GPHN: variants seen among roughly 807,000 people sequenced by gnomAD.
The protein encoded by GPHN is gephyrin.
GPHN carries 17 observed loss-of-function variants against 95.5 expected under a neutral mutation model. The observed-to-expected ratio is 0.18, with a 90% CI of 0.12 to 0.27. The LOEUF is 0.27. GPHN is among the 10% of genes least tolerant of loss of function. The probability of loss-of-function intolerance (pLI) is 1.00; values close to 1 mark genes in which losing one functional copy is unlikely to be tolerated. For synonymous variants in GPHN, 320 were observed against 322.5 expected, an observed-to-expected ratio of 0.99 and a Z score of 0.08; for missense variants, 660 against 978.1, an observed-to-expected ratio of 0.67 and a Z score of 4.34.
the GPHN span, among the ~76,000 whole-genome samples, chr14:67,294,018 A>G: frequency 1.3e-5 from 2 of 152,230 alleles, no homozygotes; most frequent in Non-Finnish European, 2.9e-5. Flanking sequence ...TGAGAAAAGC[A>G]AAGAACTAAA....
At chr14:67,483,765 GC>G in the GPHN span, among the ~76,000 whole-genome samples, 1 of 152,234 alleles carries the variant, frequency 6.6e-6, no homozygotes. Context: ...GTCTCAGATG[GC>G]CCGGCCCAGC....
chr14:67,191,971 CAA>C, the GPHN span, among the ~76,000 whole-genome samples: 2 of 152,166 alleles, frequency 1.3e-5, no homozygotes, highest in Non-Finnish European at 2.9e-5. Flanking sequence ...ACTTGAAAAA[CAA>C]GAGAAAGGAT....
Position 66,868,513 on chromosome 14 carries a change from G to A in GPHN, c.295-11426G>A, listed in dbSNP as rs557055010. ...GGTTCAAGCGATTCTCCTACCTCAG[G>A]CTCTTGAGTAGCTGGAACTACAGGG... is the stretch of plus-strand genomic sequence containing the variant. On this transcript the variant is annotated intron_variant, in intron 4 of 22. Coordinates refer to ENST00000478722, the MANE Select transcript of GPHN (RefSeq NM_020806.5). 7.9e-5 allele frequency among the ~76,000 whole-genome samples: 12 copies of A among 151,902 alleles called. No homozygotes were observed. In the East Asian group the frequency reaches 1.9e-3, roughly 25 times the overall value.
At chr14:67,015,386 T>A (rs1169714972) in intron 9 of GPHN, among the ~76,000 whole-genome samples, 4 of 152,140 alleles carry the variant, frequency 2.6e-5, no homozygotes, top group Admixed American at 6.6e-5. Flanking sequence ...GGCATTCTCT[T>A]ATGTTGTACA....
chr14:67,377,616 A>G, the GPHN span, among the ~76,000 whole-genome samples: 1 of 152,132 alleles, frequency 6.6e-6, no homozygotes, highest in African/African-American at 2.4e-5. Flanking sequence ...TTGCTCTCAA[A>G]CTAGTCTTGC....
chr14:66,902,262 G>A (rs2065157603), intron 5 of GPHN, among the ~76,000 whole-genome samples: 1 of 151,998 alleles, frequency 6.6e-6, no homozygotes, highest in African/African-American at 2.4e-5. Context: ...AATTCCAACA[G>A]TGTTTTAGTG....
chr14:67,195,754 T>C, the GPHN span, among the ~76,000 whole-genome samples: 8 of 151,414 alleles, frequency 5.3e-5, no homozygotes, highest in African/African-American at 1.2e-4. Flanking sequence ...TGTGTGTGTG[T>C]GTGTTTTGAG....
chr14:67,385,226 A>G, the GPHN span: 20 of 152,216 alleles, frequency 1.3e-4, 1 homozygote, highest in South Asian at 2.1e-4. Context: ...CAAGATACAT[A>G]TGAGGACAAG....
the GPHN span, chr14:67,340,497 C>T: frequency 2.0e-5 from 33 of 1,611,202 alleles, no homozygotes; most frequent in East Asian, 6.7e-5. Flanking sequence ...AGCAAGAGTA[C>T]GTTCAATCCG....
chr14:66,816,103 G>C (rs1281705196), intron 3 of GPHN, among the ~76,000 whole-genome samples: 2 of 152,120 alleles, frequency 1.3e-5, no homozygotes, highest in Admixed American at 1.3e-4. Flanking sequence ...TCAACAAGAA[G>C]ATCTAAATAT....
chr14:66,656,778 G>C (rs2065331543), intron 1 of GPHN, among the ~76,000 whole-genome samples: 2 of 152,096 alleles, frequency 1.3e-5, no homozygotes, highest in South Asian at 4.2e-4. Context: ...AATGTTGTGT[G>C]TGTTCTGTTT....
the GPHN span, among the ~76,000 whole-genome samples, chr14:67,700,437 C>A: frequency 6.6e-6 from 1 of 151,946 alleles, no homozygotes; most frequent in African/African-American, 2.4e-5. Context: ...TACAGAAGGC[C>A]GGGCACAGTA....
chr14:67,306,031 A>G, the GPHN span, among the ~76,000 whole-genome samples: 1 of 152,120 alleles, frequency 6.6e-6, no homozygotes, highest in Non-Finnish European at 1.5e-5. Context: ...AAGCAGTGGC[A>G]CCATCTGGGC....
chr14:67,193,338 ATATC>A, the GPHN span, among the ~76,000 whole-genome samples: 136 of 138,062 alleles, frequency 9.9e-4, 1 homozygote, highest in Non-Finnish European at 1.4e-3. Context: ...CTCTATATAG[ATATC>A]TATCTATATA....
At chr14:66,986,118 C>CT (rs950890321) in intron 9 of GPHN, among the ~76,000 whole-genome samples, 5 of 126,402 alleles carry the variant, frequency 4.0e-5, no homozygotes, top group Admixed American at 2.4e-4. Context: ...CCCCTTTTAG[C>CT]TTTTTTTTGT....
intron 1 of GPHN, among the ~76,000 whole-genome samples, chr14:66,509,954 GTAAAGGA>G (rs2057975039): frequency 6.6e-6 from 1 of 152,260 alleles, no homozygotes; most frequent in Admixed American, 6.5e-5. Flanking sequence ...TCTCTTTTAA[GTAAAGGA>G]TTGCCTTTCC....
chr14:67,672,432 T>TTTTTC, the GPHN span, among the ~76,000 whole-genome samples: 2 of 140,112 alleles, frequency 1.4e-5, no homozygotes, highest in Non-Finnish European at 3.1e-5. Context: ...AGTCTACTTT[T>TTTTTC]TTTTCTTTTC....
At chr14:67,243,129 TCA>T in the GPHN span, among the ~76,000 whole-genome samples, 1 of 152,184 alleles carries the variant, frequency 6.6e-6, no homozygotes, top group Non-Finnish European at 1.5e-5. Context: ...TTTTCTGATT[TCA>T]GAGTGTCTAG....
In GPHN at chr14:66,863,275, G is replaced by A. The variant is rs116453281; in HGVS notation, c.295-16664G>A. Reference sequence around the variant, plus strand: ...TAGGAATTAACTTAAAGAAGTAAAAGATCTCTATAATGAAAACTGTAAAAC... The same window carrying A: ...TAGGAATTAACTTAAAGAAGTAAAAAATCTCTATAATGAAAACTGTAAAAC... On this transcript the variant is annotated intron_variant, in intron 4 of 22. Coordinates refer to ENST00000478722, the MANE Select transcript of GPHN (RefSeq NM_020806.5). Among the ~76,000 whole-genome samples the A allele has an allele frequency of 3.9e-3, 587 of 150,490 alleles. 5 individuals are homozygous for A. Among genetic ancestry groups the A allele is most frequent in the African/African-American group, 0.014 (563 of 41,178 alleles).
Sources: allele counts gnomAD v4.1 joint callset (sites outside exome capture counted in the v4.1 genomes callset), GRCh38; gene constraint gnomAD v4.1.1; transcripts MANE v1.5; gene names NCBI Gene and HGNC (gene_info 2026-07-23, HGNC 2026-07-21).